CROCC: variants seen among roughly 807,000 people sequenced by gnomAD.
The protein encoded by CROCC is ciliary rootlet coiled-coil, rootletin.
Under a neutral mutation model 245.2 loss-of-function variants are expected in CROCC, and 180 were observed. The ratio of observed to expected loss-of-function variants is 0.73; its 90% CI spans 0.65 to 0.83. The LOEUF is 0.83. Ranked by LOEUF, CROCC falls within the 40% of genes least tolerant of loss-of-function variation. CROCC has a pLI of 0.00. For synonymous variants in CROCC, 1,205 were observed against 1,241.6 expected (o/e 0.97, Z 0.62); for missense variants, 2,688 against 2,779.4 (o/e 0.97, Z 0.74).
chr1:16,919,666 G>A (rs371499727), upstream of CROCC, among the ~76,000 whole-genome samples: 6 of 152,412 alleles, frequency 3.9e-5, no homozygotes, highest in East Asian at 7.7e-4. Context: ...GACACGTGAT[G>A]CTAATGACAA....
Position 16,939,118 on chromosome 1 carries a change from G to T in CROCC, c.1584G>T (p.Leu528=). ...SSTLALIHSA[L]HKRQLQVQDM... ...CGCTCGCCCTGATCCACTCCGCCCT[G>T]CACAAGCGCCAGCTGCAGGTCCAGG... Residue 528 remains leucine (L), a synonymous_variant, in exon 12 of 37, where the codon CTG becomes CTT. Transcript: ENST00000375541. The T allele has an allele frequency of 6.5e-7, 1 of 1,539,654 alleles. No individual in the cohort carries two copies. Among genetic ancestry groups the T allele is most frequent in the Non-Finnish European group, 8.7e-7 (1 of 1,154,320 alleles).
chr1:16,942,167 C>T (rs1379947381), intron 13 of CROCC, among the ~76,000 whole-genome samples: 10 of 152,234 alleles, frequency 6.6e-5, no homozygotes, highest in African/African-American at 1.7e-4. Context: ...CACACCACCA[C>T]GCCTGCCTAA....
rs879334722 is a variant in CROCC, at chr1:16,960,999, A to G, written c.4274A>G (p.Gln1425Arg). Residue 1425 changes from glutamine to arginine, a missense_variant, in exon 27 of 37, where the codon CAG (glutamine) becomes CGG (arginine). This residue lies in a region of CROCC where 1,218 missense variants were observed against 1,286.3 expected (regional missense o/e 0.95). Coordinates refer to ENST00000375541, the MANE Select transcript of CROCC (RefSeq NM_014675.5). ...GCCGAGCTGGCCCGCGTGGAGGTGC[A>G]GCGGCGCGCGGCGGAGGCCCAGCTG... ...LEAELARVEV[Q>R]RRAAEAQLGG... 22 of 1,310,700 alleles carry G rather than the reference A, an allele frequency of 1.7e-5. No individual in the cohort carries two copies. Among genetic ancestry groups the G allele is most frequent in the Admixed American group, 1.6e-4 (4 of 24,262 alleles). The allele number at this position is 1,310,700 out of a possible 1,614,324, so 81.2% of individuals were successfully genotyped here.
intron 27 of CROCC, among the ~76,000 whole-genome samples, chr1:16,963,444 G>A (rs190315708): frequency 1.2e-3 from 179 of 152,248 alleles, no homozygotes; most frequent in African/African-American, 4.1e-3. Flanking sequence ...AGACATTATA[G>A]GCCTCTACGG....
At chr1:16,918,738 G>GTTTTTTTT (rs68022839), upstream of CROCC, among the ~76,000 whole-genome samples, 20 of 144,038 alleles carry the variant, frequency 1.4e-4, 3 homozygotes, top group Non-Finnish European at 1.2e-4. Flanking sequence ...TTAGTTTTTT[G>GTTTTTTTT]TTTTTGTTTT....
At chr1:16,948,727 T>C (rs1027588665) in intron 18 of CROCC, 72 bp from the exon 19 acceptor site, 2 of 1,593,166 alleles carry the variant, frequency 1.3e-6, no homozygotes, top group Non-Finnish European at 1.7e-6. Context: ...GCCTGGCCAC[T>C]CCCTGAGATC....
chr1:16,959,275 C>T lies in CROCC; in HGVS notation c.4032+525C>T, dbSNP rs150031481. On this transcript the variant is annotated intron_variant, in intron 26 of 36. Transcript: ENST00000375541. Reference sequence around the variant, plus strand: ...CTGACCTCAGGTGATCCACCTGCCTCGGCCTCCCAAAGTGCTGGGATTACA... The same window carrying T: ...CTGACCTCAGGTGATCCACCTGCCTTGGCCTCCCAAAGTGCTGGGATTACA... Among the ~76,000 whole-genome samples the T allele has an allele frequency of 1.7e-3, 253 of 152,286 alleles. 1 individual carries two copies. Among genetic ancestry groups the T allele is most frequent in the African/African-American group, 5.9e-3 (245 of 41,554 alleles).
chr1:16,939,928 T>G lies in CROCC; in HGVS notation c.1643T>G (p.Leu548Arg), dbSNP rs778798134. 5 of 1,612,580 alleles carry G rather than the reference T, an allele frequency of 3.1e-6. No homozygotes were observed. The African/African-American group carries it at 4.0e-5, about 13-fold the overall frequency. Residue 548 changes from leucine (L) to arginine (R), a missense_variant, in exon 13 of 37, where the codon CTA (leucine) becomes CGA (arginine). By Grantham distance (102) the Leu-to-Arg change is moderately radical (BLOSUM62 -2). This residue lies in a region of CROCC where 972 missense variants were observed against 895.3 expected (regional missense o/e 1.09). Coordinates refer to ENST00000375541, the MANE Select transcript of CROCC (RefSeq NM_014675.5). ...GGGCGCTATGAGGCAAGCCAGGACC[T>G]ACTGGGCACCCTGCGGAAGCAGCTT... ...MRGRYEASQD[L>R]LGTLRKQLSD...
At chr1:16,914,405 CCTCCGCCGGCCGGGGTCCCCTCG>C (rs2075282428) in intron 1 of CROCC, among the ~76,000 whole-genome samples, 2 of 152,260 alleles carry the variant, frequency 1.3e-5, no homozygotes, top group Admixed American at 6.5e-5. Flanking sequence ...CGCAGCCGTC[CCTCCGCCGGCCGGGGTCCCCTCG>C]CTCCGCGGGC....
At chr1:16,958,105 A>G (rs1379376146) in intron 25 of CROCC, among the ~76,000 whole-genome samples, 1 of 152,062 alleles carries the variant, frequency 6.6e-6, no homozygotes, top group Non-Finnish European at 1.5e-5. Context: ...TTACTCTGAC[A>G]CTCTGAGGCT....
At chr1:16,931,884 G>A (rs1210254598) in intron 8 of CROCC, among the ~76,000 whole-genome samples, 1 of 152,106 alleles carries the variant, frequency 6.6e-6, no homozygotes, top group African/African-American at 2.4e-5. Flanking sequence ...AGCCTCCTGA[G>A]TTGCTGGGAT....
chr1:16,955,078 G>A (rs1021790430), intron 23 of CROCC, among the ~76,000 whole-genome samples: 1 of 152,198 alleles, frequency 6.6e-6, no homozygotes, highest in African/African-American at 2.4e-5. Flanking sequence ...GGAGGGGTGA[G>A]TGGGGTCTCT....
At chr1:16,924,521 C>T (rs376323877) in intron 3 of CROCC, 42 bp downstream of exon 3, 51 of 1,596,300 alleles carry the variant, frequency 3.2e-5, no homozygotes, top group East Asian at 2.2e-4. Context: ...GGGTTCCCCT[C>T]GTTCAAGGGC....
rs567334562 is a variant in CROCC, at chr1:16,933,799, T to G, written c.956+2402T>G. Among the ~76,000 whole-genome samples the G allele has an allele frequency of 2.0e-5, 3 of 152,392 alleles. No individual in the cohort carries two copies. The East Asian group carries it at 5.8e-4, about 29-fold the overall frequency. ...CCAGGCTGGTCTTGACCTCAGGTGA[T>G]CCACCTACCTTGGTCTCCCAAAGTG... On this transcript the variant is annotated intron_variant, in intron 8 of 36. Transcript: ENST00000375541.
At position 16,965,788 on chromosome 1, in the gene CROCC, C is replaced by T. The variant is rs758555006; in HGVS notation, c.4471C>T (p.Pro1491Ser). 5 of 1,613,706 alleles carry T rather than the reference C, an allele frequency of 3.1e-6. No homozygotes were observed. The South Asian group carries it at 5.5e-5, about 18-fold the overall frequency. Residue 1491 changes from proline to serine, a missense_variant, in exon 28 of 37, where the codon CCA (proline) becomes TCA (serine). Pro to Ser is a moderately conservative substitution (Grantham distance 74). Coordinates refer to ENST00000375541, the MANE Select transcript of CROCC (RefSeq NM_014675.5). ...ECSPGSQPPS[P>S]GPATSPASPD... The stretch of plus-strand genomic sequence containing the variant: ...CAGCCCTGGGTCCCAGCCACCATCT[C>T]CAGGACCTGCCACCTCCCCAGCCTC...
chr1:16,948,041 G>A (rs1463566755), intron 17 of CROCC, among the ~76,000 whole-genome samples: 34 of 152,380 alleles, frequency 2.2e-4, no homozygotes, highest in East Asian at 1.9e-3. Flanking sequence ...GTTTCACCCC[G>A]TTGGCCAGGC....
rs1253222318 is a variant in CROCC at position 16,946,957 on chromosome 1, A to G, written c.2480A>G (p.His827Arg). The change falls in exon 17 of 37, where the codon CAT becomes CGT. Residue 827 changes from histidine (H) to arginine (R), a missense_variant. This residue lies in a region of CROCC where 295 missense variants were observed against 241.7 expected (regional missense o/e 1.22). Transcript: ENST00000375541. ...ALEQQLPTLR[H>R]ERSQLQEQLA... is the part of the protein sequence containing the mutation. ...GAGCAGCAGCTCCCCACGCTGCGCC[A>G]TGAGCGCAGCCAGCTGCAGGAGCAG... 21 of 1,556,614 alleles carry G rather than the reference A, an allele frequency of 1.3e-5. No individual in the cohort carries two copies. Among genetic ancestry groups the G allele is most frequent in the East Asian group, 2.4e-5 (1 of 41,630 alleles).
intron 7 of CROCC, 127 bp from the exon 8 acceptor site, chr1:16,931,164 C>G: frequency 1.3e-6 from 1 of 783,588 alleles, no homozygotes; most frequent in African/African-American, 1.7e-5. Context: ...GCTCTGTGCA[C>G]AGACCCACAG....
chr1:16,932,792 G>A (rs1270561488), intron 8 of CROCC, among the ~76,000 whole-genome samples: 1 of 152,288 alleles, frequency 6.6e-6, no homozygotes, highest in African/African-American at 2.4e-5. Flanking sequence ...GTGTCAGGGA[G>A]GCTGCGGAGA....
Sources: allele counts gnomAD v4.1 joint callset (sites outside exome capture counted in the v4.1 genomes callset), GRCh38; gene constraint gnomAD v4.1.1; regional missense constraint gnomAD v4.1.1; transcripts MANE v1.5; gene names NCBI Gene and HGNC (gene_info 2026-07-23, HGNC 2026-07-21).